The following USP32 variants were observed in gnomAD, a reference collection of about 807,000 sequenced individuals.
The protein encoded by USP32 is ubiquitin carboxyl-terminal hydrolase 32.
Under a neutral mutation model 204.8 loss-of-function variants are expected in USP32, and 59 were observed. The ratio of observed to expected loss-of-function variants is 0.29; its 90% CI spans 0.23 to 0.36. The LOEUF is 0.36. Ranked by LOEUF, USP32 falls within the 10% of genes least tolerant of loss-of-function variation. The probability of loss-of-function intolerance (pLI) is 1.00; values close to 1 mark genes in which losing one functional copy is unlikely to be tolerated. For synonymous variants in USP32, 517 were observed against 678.4 expected (o/e 0.76, Z 3.70); for missense variants, 1,160 against 1,946.4 (o/e 0.60, Z 7.60).
intron 1 of USP32, chr17:60,421,738 C>A: frequency 1.2e-6 from 1 of 802,608 alleles, no homozygotes. Flanking sequence ...TACACCCGGA[C>A]TCTGCCCACC....
intron 1 of USP32, among the ~76,000 whole-genome samples, chr17:60,413,384 G>C (rs937134057): frequency 6.6e-6 from 1 of 152,186 alleles, no homozygotes; most frequent in African/African-American, 2.4e-5. Flanking sequence ...TGACCTCCCA[G>C]ATGGCTTACA....
intron 4 of USP32, among the ~76,000 whole-genome samples, chr17:60,292,167 T>C (rs1016911300): frequency 6.6e-6 from 1 of 152,072 alleles, no homozygotes; most frequent in Non-Finnish European, 1.5e-5. Flanking sequence ...GACACTATTC[T>C]CTTTTATTAA....
At chr17:60,301,432 T>C (rs753299323) in intron 3 of USP32, 167 bp downstream of exon 3, 71 of 490,830 alleles carry the variant, frequency 1.4e-4, no homozygotes, top group Non-Finnish European at 2.3e-4. Context: ...TTTTAATTTA[T>C]ATTTCTCTAA....
At chr17:60,336,715 C>CAAA (rs573590957) in intron 2 of USP32, among the ~76,000 whole-genome samples, 2 of 71,592 alleles carry the variant, frequency 2.8e-5, no homozygotes, top group African/African-American at 8.0e-5. Flanking sequence ...GACTCCATCT[C>CAAA]AAAAAAAAAA....
intron 1 of USP32, among the ~76,000 whole-genome samples, chr17:60,417,461 T>TG (rs1225966068): frequency 6.6e-6 from 1 of 151,604 alleles, no homozygotes; most frequent in African/African-American, 2.4e-5. Context: ...TAATTTTTTT[T>TG]TTTTTTTTTG....
chr17:60,245,877 TA>T (rs965393910), intron 11 of USP32, among the ~76,000 whole-genome samples: 9 of 151,474 alleles, frequency 5.9e-5, no homozygotes, highest in African/African-American at 2.2e-4. Flanking sequence ...TAAAAAGCTT[TA>T]AAAATATTTC....
intron 1 of USP32, among the ~76,000 whole-genome samples, chr17:60,362,840 G>GAA (rs1035957486): frequency 7.2e-6 from 1 of 137,956 alleles, no homozygotes; most frequent in Admixed American, 7.3e-5. Context: ...CTCAGGAGAG[G>GAA]AAAAAAAAAA....
At chr17:60,394,214 C>T (rs1308128379), upstream of USP32, among the ~76,000 whole-genome samples, 1 of 152,202 alleles carries the variant, frequency 6.6e-6, no homozygotes, top group Non-Finnish European at 1.5e-5. Context: ...CCTCAGTCAT[C>T]TTCAGCCTGC....
Position 60,269,434 on chromosome 17 carries a change from T to C in USP32, c.811+16A>G, listed in dbSNP as rs2086675181. On this transcript the variant is annotated intron_variant, in intron 7 of 33. Coordinates refer to ENST00000300896, the MANE Select transcript of USP32 (RefSeq NM_032582.4). ...TACATAGTTTGCAATTTTTTGACAA[T>C]GTTTAACACACTTACATTTTTGTCT... 1.3e-6 allele frequency: 2 copies of C among 1,597,482 alleles called. No homozygotes were observed. The highest frequency in any genetic ancestry group is 8.5e-7 in the Non-Finnish European group (1 of 1,171,820).
At chr17:60,282,498 C>T (rs1265466926) in intron 5 of USP32, among the ~76,000 whole-genome samples, 2 of 152,160 alleles carry the variant, frequency 1.3e-5, no homozygotes, top group Non-Finnish European at 2.9e-5. Context: ...GGACTACAGG[C>T]ACATGCCACT....
At chr17:60,378,987 A>T (rs936721164) in intron 1 of USP32, among the ~76,000 whole-genome samples, 2 of 152,150 alleles carry the variant, frequency 1.3e-5, no homozygotes, top group Admixed American at 6.6e-5. Context: ...GGTGGGGGAG[A>T]GCTATGTACA....
intron 1 of USP32, among the ~76,000 whole-genome samples, chr17:60,411,900 G>A (rs891695352): frequency 2.0e-5 from 3 of 151,934 alleles, no homozygotes; most frequent in Admixed American, 1.3e-4. Flanking sequence ...TGGACACTTG[G>A]GTTGTTTCCA....
chr17:60,302,879 G>C (rs2087621422), intron 2 of USP32, among the ~76,000 whole-genome samples: 1 of 152,132 alleles, frequency 6.6e-6, no homozygotes, highest in African/African-American at 2.4e-5. Context: ...GCATAGGAAA[G>C]GGACAACAGA....
chr17:60,400,100 G>A (rs2089924980), intron 1 of USP32, among the ~76,000 whole-genome samples: 1 of 152,078 alleles, frequency 6.6e-6, no homozygotes, highest in Admixed American at 6.6e-5. Context: ...GAGTAGCTGG[G>A]ATTATAGGCA....
chr17:60,267,328 C>T (rs1185641130), intron 7 of USP32, among the ~76,000 whole-genome samples: 3 of 151,870 alleles, frequency 2.0e-5, no homozygotes, highest in East Asian at 2.0e-4. Context: ...TGCTTGAACC[C>T]GGGAGGCGGA....
At chr17:60,204,298 T>G (rs1399434225) in intron 26 of USP32, among the ~76,000 whole-genome samples, 3 of 152,050 alleles carry the variant, frequency 2.0e-5, no homozygotes. Context: ...AACATAAATT[T>G]TGTGTGTGTT....
intron 1 of USP32, among the ~76,000 whole-genome samples, chr17:60,391,210 C>T (rs1217666854): frequency 2.0e-5 from 3 of 152,210 alleles, no homozygotes; most frequent in Admixed American, 6.5e-5. Context: ...TGGTCAACGT[C>T]GGAGGAGATG....
At chr17:60,316,652 C>T (rs1294758296) in intron 2 of USP32, among the ~76,000 whole-genome samples, 3 of 151,936 alleles carry the variant, frequency 2.0e-5, no homozygotes, top group Non-Finnish European at 4.4e-5. Context: ...ACCAGACTGG[C>T]CAACATGGTG....
At chr17:60,185,766 A>T (rs1368391835) in intron 29 of USP32, 115 bp from the exon 30 acceptor site, 1 of 1,244,686 alleles carries the variant, frequency 8.0e-7, no homozygotes, top group Non-Finnish European at 1.1e-6. Flanking sequence ...TATAAGGAAA[A>T]AGAAAATACA....
Sources: allele counts gnomAD v4.1 joint callset (sites outside exome capture counted in the v4.1 genomes callset), GRCh38; gene constraint gnomAD v4.1.1; transcripts MANE v1.5; gene names NCBI Gene and HGNC (gene_info 2026-07-23, HGNC 2026-07-21).